Variants in RAPH1 observed in about 807,000 individuals in gnomAD.
RAPH1 encodes the protein Ras association (RalGDS/AF-6) and pleckstrin homology domains 1, also known as ras-associated and pleckstrin homology domains-containing protein 1.
A neutral mutation model predicts 88.1 loss-of-function variants in RAPH1; 18 were observed. The ratio of observed to expected loss-of-function variants is 0.20; its 90% CI spans 0.14 to 0.30. The LOEUF (loss-of-function observed/expected upper bound fraction) is 0.30, where lower values mean the gene tolerates loss of function less well. RAPH1 is among the 10% of genes least tolerant of loss of function. The pLI is 1.00. For synonymous variants in RAPH1, 587 were observed against 559.0 expected, an observed-to-expected ratio of 1.05 and a Z score of -0.71; for missense variants, 1,448 against 1,543.2, an observed-to-expected ratio of 0.94 and a Z score of 1.03.
chr2:203,524,704 G>A lies in RAPH1; in HGVS notation c.-1+10407C>T, dbSNP rs951712706. Among the ~76,000 whole-genome samples, 9 of 152,258 alleles carry A rather than the reference G, an allele frequency of 5.9e-5. No homozygotes were observed. In the South Asian group the frequency reaches 6.2e-4, roughly 11 times the overall value. On this transcript the variant is annotated intron_variant, in intron 1 of 13. Coordinates refer to ENST00000319170, the MANE Select transcript of RAPH1 (RefSeq NM_213589.3). ...AACCAATCCATAGTGACAGATTGCC[G>A]TAAGACAGGGGTAGAGGGGGACAAA...
At chr2:203,520,406 T>G (rs1326104447) in intron 1 of RAPH1, among the ~76,000 whole-genome samples, 1 of 151,218 alleles carries the variant, frequency 6.6e-6, no homozygotes, top group African/African-American at 2.4e-5. Flanking sequence ...GGCGGGTGGA[T>G]CACCTGAGGT....
chr2:203,472,315 A>G (rs2098533896), intron 4 of RAPH1, among the ~76,000 whole-genome samples: 1 of 152,048 alleles, frequency 6.6e-6, no homozygotes, highest in Admixed American at 6.6e-5. Context: ...TATTTTTATT[A>G]GAGACAGAGT....
chr2:203,477,319 C>T (rs191235464), intron 4 of RAPH1, among the ~76,000 whole-genome samples: 51 of 152,190 alleles, frequency 3.4e-4, no homozygotes, highest in East Asian at 1.7e-3. Flanking sequence ...TTCTCTTATA[C>T]GCAAAAATTA....
In RAPH1 at chr2:203,435,535, T is replaced by G. The variant is rs1394481705; in HGVS notation, c.*3902A>C. On this transcript the variant is annotated 3_prime_UTR_variant, in exon 14 of 14. Transcript: ENST00000319170. ...AAAGTGTATATTAAAAAAAAAAAAGTGAAAGTTACCTGCAATCTAAAGGGT... is the reference window on the plus strand; with the variant it reads ...AAAGTGTATATTAAAAAAAAAAAAGGGAAAGTTACCTGCAATCTAAAGGGT... 2.1e-5 allele frequency: 3 copies of G among 144,918 alleles called. No homozygotes were observed. The highest frequency in any genetic ancestry group is 4.0e-4 in the East Asian group (2 of 5,000). The allele number at this position is 144,918 out of a possible 1,614,324, so 9.0% of individuals were successfully genotyped here.
chr2:203,455,339 A>C, intron 9 of RAPH1, 98 bp downstream of exon 9: 2 of 1,171,164 alleles, frequency 1.7e-6, no homozygotes, highest in Non-Finnish European at 2.4e-6. Flanking sequence ...ACGAACTGAA[A>C]CAAATCATAG....
intron 4 of RAPH1, among the ~76,000 whole-genome samples, chr2:203,466,363 TAA>T (rs1348652018): frequency 1.3e-5 from 2 of 152,210 alleles, no homozygotes; most frequent in Non-Finnish European, 2.9e-5. Context: ...CTAATGTATT[TAA>T]GCAATCACCA....
At chr2:203,517,487 T>C (rs1290112529) in intron 1 of RAPH1, among the ~76,000 whole-genome samples, 4 of 151,842 alleles carry the variant, frequency 2.6e-5, no homozygotes, top group Admixed American at 6.6e-5. Context: ...AAAGATATAG[T>C]TGAACTCAAT....
chr2:203,452,773 C>T (rs1198435240), intron 10 of RAPH1, among the ~76,000 whole-genome samples: 1 of 152,086 alleles, frequency 6.6e-6, no homozygotes, highest in East Asian at 1.9e-4. Flanking sequence ...CATGGCAAAA[C>T]CTCATCTGTC....
chr2:203,492,879 T>C lies in RAPH1; in HGVS notation c.121-1560A>G, dbSNP rs187218027. On this transcript the variant is annotated intron_variant, in intron 2 of 13. Coordinates refer to ENST00000319170, the MANE Select transcript of RAPH1 (RefSeq NM_213589.3). The stretch of plus-strand genomic sequence containing the variant: ...ATTTTATAAAAGCTATGAACCCTCT[T>C]CCAGAAAAATGCACATACATAAAAA... 2.6e-5 allele frequency among the ~76,000 whole-genome samples: 4 copies of C among 152,232 alleles called. No individual in the cohort carries two copies. The East Asian group carries it at 7.7e-4, about 29-fold the overall frequency.
intron 1 of RAPH1, among the ~76,000 whole-genome samples, chr2:203,510,631 C>CTGG (rs1340357942): frequency 6.6e-6 from 1 of 151,900 alleles, no homozygotes; most frequent in East Asian, 1.9e-4. Flanking sequence ...AATATACATA[C>CTGG]TGGTGGTGGT....
At chr2:203,512,175 T>C (rs1486667571) in intron 1 of RAPH1, among the ~76,000 whole-genome samples, 1 of 150,992 alleles carries the variant, frequency 6.6e-6, no homozygotes, top group Non-Finnish European at 1.5e-5. Context: ...ACACCTATAA[T>C]CTCAACACTT....
At chr2:203,486,975 G>T (rs1384976878) in intron 4 of RAPH1, among the ~76,000 whole-genome samples, 1 of 152,064 alleles carries the variant, frequency 6.6e-6, no homozygotes, top group East Asian at 1.9e-4. Context: ...TTGAGCACTG[G>T]TATCTTTGCA....
intron 1 of RAPH1, among the ~76,000 whole-genome samples, chr2:203,531,697 G>C (rs370681057): frequency 1.3e-5 from 2 of 152,254 alleles, no homozygotes; most frequent in Admixed American, 6.5e-5. Flanking sequence ...ACGCCCATTA[G>C]AATAGCTATT....
At chr2:203,473,581 T>A (rs1428433327) in intron 4 of RAPH1, among the ~76,000 whole-genome samples, 2 of 152,142 alleles carry the variant, frequency 1.3e-5, no homozygotes, top group Non-Finnish European at 2.9e-5. Flanking sequence ...GGGAAAAAAA[T>A]CAGTGCTGTG....
Position 203,531,332 on chromosome 2 carries a change from A to T in RAPH1, c.-1+3779T>A, listed in dbSNP as rs540215269. Among the ~76,000 whole-genome samples the T allele has an allele frequency of 1.1e-4, 16 of 152,318 alleles. No individual in the cohort carries two copies. The South Asian group carries it at 3.3e-3, about 32-fold the overall frequency. On this transcript the variant is annotated intron_variant, in intron 1 of 13. Coordinates refer to ENST00000319170, the MANE Select transcript of RAPH1 (RefSeq NM_213589.3). ...TGACGAGTCAATGGGGGCAGCAAAC[A>T]AACATGGCACACGTATACCTATGTA...
chr2:203,480,082 C>T (rs927639002), intron 4 of RAPH1, among the ~76,000 whole-genome samples: 10 of 152,174 alleles, frequency 6.6e-5, no homozygotes, highest in Non-Finnish European at 1.2e-4. Context: ...CAAAGTGTTG[C>T]GCCATTTGTG....
At chr2:203,481,568 A>AAT (rs60650703) in intron 4 of RAPH1, among the ~76,000 whole-genome samples, 8,276 of 137,910 alleles carry the variant, frequency 0.06, 260 homozygotes, top group East Asian at 0.081. Context: ...TAAATAGATG[A>AAT]ATATATATAT....
chr2:203,508,570 T>C (rs903552229), intron 1 of RAPH1, among the ~76,000 whole-genome samples: 1 of 152,130 alleles, frequency 6.6e-6, no homozygotes, highest in African/African-American at 2.4e-5. Context: ...ACCCTCCATA[T>C]ACGTAGGTTT....
At chr2:203,480,975 G>A (rs1204642191) in intron 4 of RAPH1, among the ~76,000 whole-genome samples, 2 of 152,074 alleles carry the variant, frequency 1.3e-5, no homozygotes. Flanking sequence ...TAAAAATTAT[G>A]AACGATTAAT....
Sources: gnomAD v4.1 joint callset for allele counts (sites outside exome capture counted in the v4.1 genomes callset) on GRCh38, gnomAD v4.1.1 for gene constraint, MANE v1.5 for transcripts, NCBI Gene and HGNC (gene_info 2026-07-23, HGNC 2026-07-21) for gene names.